TFEC: variants seen among roughly 807,000 people sequenced by gnomAD.
TFEC encodes the protein class E basic helix-loop-helix protein 34.
TFEC carries 31 observed loss-of-function variants against 41.6 expected under a neutral mutation model. The ratio of observed to expected loss-of-function variants is 0.74; its 90% CI spans 0.56 to 1.01. The LOEUF (loss-of-function observed/expected upper bound fraction) is 1.01, where lower values mean the gene tolerates loss of function less well. TFEC is among the 50% of genes least tolerant of loss of function. The pLI is 0.00. For synonymous variants in TFEC, 143 were observed against 140.6 expected, an observed-to-expected ratio of 1.02 and a Z score of -0.12; for missense variants, 402 against 404.1, an observed-to-expected ratio of 0.99 and a Z score of 0.04.
chr7:116,030,680 C>A lies in TFEC; in HGVS notation c.-120G>T, dbSNP rs1453592774. 1 of 985,238 alleles carries A rather than the reference C, an allele frequency of 1.0e-6. No homozygotes were observed. The highest frequency in any genetic ancestry group is 1.7e-5 in the African/African-American group (1 of 57,222). 61.0% of individuals were successfully genotyped at this position (985,238 alleles called of 1,614,324 possible). A position where few individuals can be genotyped will look rare whatever the true frequency, so the allele number is the denominator to read the frequency against. ...GTGTTGTCATCTCTACAAACAGCACCAAATTATAATCCCTCTTCCCATAAC... is the reference window on the plus strand; with the variant it reads ...GTGTTGTCATCTCTACAAACAGCACAAAATTATAATCCCTCTTCCCATAAC... On this transcript the variant is annotated 5_prime_UTR_variant, in exon 1 of 8. Coordinates refer to ENST00000265440, the MANE Select transcript of TFEC (RefSeq NM_012252.4).
At chr7:115,980,584 T>C (rs1039784538) in intron 2 of TFEC, among the ~76,000 whole-genome samples, 1 of 152,060 alleles carries the variant, frequency 6.6e-6, no homozygotes, top group Non-Finnish European at 1.5e-5. Flanking sequence ...ACTCCGTCTC[T>C]ACTAAAAATA....
intron 3 of TFEC, among the ~76,000 whole-genome samples, chr7:115,970,901 T>C (rs1447672785): frequency 1.3e-5 from 2 of 151,944 alleles, no homozygotes; most frequent in East Asian, 3.9e-4. Flanking sequence ...GTGAGGCAAA[T>C]AATCCCCTTT....
intron 3 of TFEC, among the ~76,000 whole-genome samples, chr7:116,052,123 G>T (rs1316996190): frequency 6.6e-6 from 1 of 151,166 alleles, no homozygotes; most frequent in Non-Finnish European, 1.5e-5. Context: ...GAGGGGATTG[G>T]TCAAGGTAGA....
chr7:116,098,787 T>A (rs1159938265), intron 3 of TFEC, among the ~76,000 whole-genome samples: 1 of 150,200 alleles, frequency 6.7e-6, no homozygotes, highest in African/African-American at 2.5e-5. Context: ...ACTTATGTTA[T>A]GAGATCAGCA....
chr7:116,027,961 T>G (rs1394120156), intron 1 of TFEC, among the ~76,000 whole-genome samples: 1 of 152,182 alleles, frequency 6.6e-6, no homozygotes, highest in East Asian at 1.9e-4. Context: ...TAACGGGTCT[T>G]TAAGATCATT....
intron 1 of TFEC, among the ~76,000 whole-genome samples, chr7:116,115,462 T>C (rs1797966619): frequency 6.6e-6 from 1 of 151,926 alleles, no homozygotes; most frequent in South Asian, 2.1e-4. Flanking sequence ...AAGCTGCCTA[T>C]ATTCTTTGGC....
At chr7:116,053,503 A>G (rs1796362133) in intron 3 of TFEC, among the ~76,000 whole-genome samples, 1 of 152,232 alleles carries the variant, frequency 6.6e-6, no homozygotes, top group Non-Finnish European at 1.5e-5. Flanking sequence ...GTTGAAACCT[A>G]TTTCCCAAAG....
At chr7:116,115,424 C>A (rs1797965914) in intron 1 of TFEC, among the ~76,000 whole-genome samples, 1 of 151,904 alleles carries the variant, frequency 6.6e-6, no homozygotes, top group Non-Finnish European at 1.5e-5. Flanking sequence ...ATGGGATAAT[C>A]CACTTTCCTG....
intron 1 of TFEC, among the ~76,000 whole-genome samples, chr7:116,001,940 C>T (rs1794615043): frequency 6.6e-6 from 1 of 152,112 alleles, no homozygotes; most frequent in Admixed American, 6.6e-5. Flanking sequence ...CATCACTGAT[C>T]ATCAGAGAAA....
intron 1 of TFEC, among the ~76,000 whole-genome samples, chr7:116,155,727 A>T (rs1344770487): frequency 6.6e-6 from 1 of 152,172 alleles, no homozygotes; most frequent in African/African-American, 2.4e-5. Context: ...TATCAAAAAG[A>T]TTAGGTTGGC....
At chr7:116,075,562 C>T (rs1310112594) in intron 3 of TFEC, among the ~76,000 whole-genome samples, 1 of 152,110 alleles carries the variant, frequency 6.6e-6, no homozygotes, top group African/African-American at 2.4e-5. Flanking sequence ...GTGAGACCAG[C>T]CTTTAAGACT....
At chr7:116,116,585 T>G (rs1797993828) in intron 1 of TFEC, among the ~76,000 whole-genome samples, 1 of 151,948 alleles carries the variant, frequency 6.6e-6, no homozygotes, top group South Asian at 2.1e-4. Flanking sequence ...AGAGGAATAT[T>G]AAAATACATT....
At chr7:115,980,518 G>A (rs182098532) in intron 2 of TFEC, among the ~76,000 whole-genome samples, 1 of 152,310 alleles carries the variant, frequency 6.6e-6, no homozygotes, top group Admixed American at 6.5e-5. Context: ...GGGAGGCCAA[G>A]GCAGGTGAAT....
rs1025806768 is a variant in TFEC, at chr7:116,100,424, C to T, written c.198+10284G>A. 6.6e-5 allele frequency among the ~76,000 whole-genome samples: 10 copies of T among 152,082 alleles called. 1 individual carries two copies. The highest frequency in any genetic ancestry group is 2.4e-4 in the African/African-American group (10 of 41,400). On this transcript the variant is annotated intron_variant, in intron 3 of 8. Coordinates refer to the TFEC transcript ENST00000484212. ...CTAGTAAGCACATTAATATGAAAAA[C>T]ATCCCATTTTTCAGCATCTTAACTG... is the stretch of plus-strand genomic sequence containing the variant.
At chr7:116,144,797 T>C (rs1231561954) in intron 1 of TFEC, among the ~76,000 whole-genome samples, 3 of 152,224 alleles carry the variant, frequency 2.0e-5, no homozygotes, top group Non-Finnish European at 1.5e-5. Context: ...GATTGCAGCA[T>C]AGAATTCCTA....
intron 3 of TFEC, among the ~76,000 whole-genome samples, chr7:116,038,515 A>G (rs965673565): frequency 1.3e-5 from 2 of 152,090 alleles, no homozygotes; most frequent in Non-Finnish European, 1.5e-5. Flanking sequence ...GGAAAGATGT[A>G]TTTAAAATTG....
At chr7:115,941,152 C>T (rs532128830) in intron 7 of TFEC, 1 of 481,850 alleles carries the variant, frequency 2.1e-6, no homozygotes, top group East Asian at 3.6e-5. Flanking sequence ...AGTTTGGTCT[C>T]ATTGTTCTAC....
At chr7:115,946,640 A>T (rs1470450306) in intron 6 of TFEC, among the ~76,000 whole-genome samples, 127 of 110,248 alleles carry the variant, frequency 1.2e-3, no homozygotes, top group South Asian at 2.0e-3. Flanking sequence ...CTCTCTCTTT[A>T]TTTTCTTTTT....
chr7:116,052,426 T>A (rs1796332510), intron 3 of TFEC, among the ~76,000 whole-genome samples: 1 of 151,962 alleles, frequency 6.6e-6, no homozygotes, highest in Admixed American at 6.5e-5. Flanking sequence ...TTAAGTTGTT[T>A]GGTTTGTTTG....
Sources: gnomAD v4.1 joint callset for allele counts (sites outside exome capture counted in the v4.1 genomes callset) on GRCh38, gnomAD v4.1.1 for gene constraint, MANE v1.5 for transcripts, NCBI Gene and HGNC (gene_info 2026-07-23, HGNC 2026-07-21) for gene names.